The following DENND4C variants were observed in gnomAD, a reference collection of about 807,000 sequenced individuals.
DENND4C encodes DENN domain containing 4C, also known as DENN domain-containing protein 4C.
DENND4C carries 108 observed loss-of-function variants against 203.0 expected under a neutral mutation model. The observed-to-expected ratio is 0.53, with a 90% confidence interval of 0.46 to 0.62. DENND4C has a LOEUF of 0.62. DENND4C is among the 20% of genes least tolerant of loss of function. The pLI is 0.00. For synonymous variants in DENND4C, 871 were observed against 792.4 expected (o/e 1.10, Z -1.67); for missense variants, 2,481 against 2,301.2 (o/e 1.08, Z -1.60).
intron 2 of DENND4C, among the ~76,000 whole-genome samples, chr9:19,278,888 CTT>C (rs1407490805): frequency 6.6e-6 from 1 of 151,798 alleles, no homozygotes; most frequent in African/African-American, 2.4e-5. Context: ...AGAAGCTTGA[CTT>C]TAAGGGAAGG....
intron 1 of DENND4C, among the ~76,000 whole-genome samples, chr9:19,274,485 G>T (rs1035966218): frequency 1.3e-5 from 2 of 152,088 alleles, no homozygotes; most frequent in Non-Finnish European, 2.9e-5. Flanking sequence ...AGTAGAGATG[G>T]GATTTCTCCA....
At chr9:19,268,919 G>A (rs186073829) in intron 1 of DENND4C, among the ~76,000 whole-genome samples, 40 of 152,088 alleles carry the variant, frequency 2.6e-4, no homozygotes, top group Admixed American at 2.4e-3. Context: ...GTAGTTTTGA[G>A]TTAAATTTCC....
In DENND4C at chr9:19,341,093, A is replaced by G. The variant is rs1328815868; in HGVS notation, c.2983A>G (p.Lys995Glu). The change falls in exon 21 of 33, where the codon AAA (lysine) becomes GAA (glutamate). Residue 995 changes from lysine to glutamate, a missense_variant. Around this residue, in one of 3 missense-constraint regions of DENND4C, gnomAD observed 2,289 missense variants for 2,113.3 expected, o/e 1.08. Transcript: ENST00000434457. Reference protein sequence around the residue: ...EEQAARELITKTKMQTEEVCD... With the variant: ...EEQAARELITETKMQTEEVCD... Reference sequence around the variant, plus strand: ...ACAGGCAGCAAGAGAATTGATAACTAAAACAAAAATGCAAACAGAAGGTTA... The same window carrying G: ...ACAGGCAGCAAGAGAATTGATAACTGAAACAAAAATGCAAACAGAAGGTTA... The G allele has an allele frequency of 1.2e-6, 2 of 1,611,486 alleles. No homozygotes were observed. The highest frequency in any genetic ancestry group is 1.7e-5 in the Admixed American group (1 of 59,548).
At chr9:19,256,066 T>C (rs1271848210) in intron 1 of DENND4C, among the ~76,000 whole-genome samples, 2 of 150,286 alleles carry the variant, frequency 1.3e-5, no homozygotes, top group Non-Finnish European at 2.9e-5. Flanking sequence ...AGCAAGACCC[T>C]GTCTCTGCAA....
intron 18 of DENND4C, 109 bp from the exon 19 acceptor site, chr9:19,336,161 T>G: frequency 1.0e-6 from 1 of 958,778 alleles, no homozygotes; most frequent in Non-Finnish European, 1.4e-6. Flanking sequence ...GTATAACTTT[T>G]TATATTTGTG....
intron 7 of DENND4C, among the ~76,000 whole-genome samples, chr9:19,298,848 G>A (rs1233752083): frequency 1.3e-5 from 2 of 152,142 alleles, no homozygotes; most frequent in Non-Finnish European, 2.9e-5. Flanking sequence ...TGTTGATCTT[G>A]AATGTTATTT....
chr9:19,319,192 C>T (rs969966365), intron 12 of DENND4C, among the ~76,000 whole-genome samples: 1 of 146,122 alleles, frequency 6.8e-6, no homozygotes, highest in East Asian at 2.0e-4. Flanking sequence ...TATATATATA[C>T]ACGTATATAC....
At chr9:19,334,067 A>T (rs1252068238) in intron 17 of DENND4C, among the ~76,000 whole-genome samples, 1 of 151,932 alleles carries the variant, frequency 6.6e-6, no homozygotes, top group Non-Finnish European at 1.5e-5. Context: ...TTATTTAGAG[A>T]CAGTTTTACT....
At chr9:19,272,622 C>T (rs1831965539) in intron 1 of DENND4C, among the ~76,000 whole-genome samples, 1 of 151,990 alleles carries the variant, frequency 6.6e-6, no homozygotes, top group African/African-American at 2.4e-5. Flanking sequence ...AATGAATCTT[C>T]ATTTATACCT....
At chr9:19,256,409 T>A (rs1827976961) in intron 1 of DENND4C, among the ~76,000 whole-genome samples, 2 of 147,410 alleles carry the variant, frequency 1.4e-5, no homozygotes, top group Non-Finnish European at 3.0e-5. Flanking sequence ...CTCCACCTCC[T>A]GAGTTCAAGC....
intron 2 of DENND4C, among the ~76,000 whole-genome samples, chr9:19,283,154 T>G (rs908397589): frequency 2.3e-5 from 3 of 129,692 alleles, no homozygotes; most frequent in African/African-American, 5.5e-5. Flanking sequence ...TATGAACTAC[T>G]GTGCCTGGAT....
chr9:19,295,404 C>T (rs1837232583), intron 5 of DENND4C, among the ~76,000 whole-genome samples: 2 of 151,986 alleles, frequency 1.3e-5, no homozygotes, highest in South Asian at 4.2e-4. Flanking sequence ...ACTTGGGAGG[C>T]TGAGTCAGGA....
intron 22 of DENND4C, among the ~76,000 whole-genome samples, chr9:19,343,364 T>C (rs749606431): frequency 3.3e-5 from 5 of 152,234 alleles, no homozygotes; most frequent in Non-Finnish European, 7.3e-5. Context: ...AAGACTCTTA[T>C]GGCACATATC....
At chr9:19,257,573 A>C (rs1014242904) in intron 1 of DENND4C, among the ~76,000 whole-genome samples, 12 of 151,580 alleles carry the variant, frequency 7.9e-5, no homozygotes, top group Admixed American at 2.6e-4. Context: ...AATTCAAAGA[A>C]ATATGAAACA....
At chr9:19,356,700 C>T (rs1825483918) in intron 26 of DENND4C, among the ~76,000 whole-genome samples, 1 of 149,474 alleles carries the variant, frequency 6.7e-6, no homozygotes, top group African/African-American at 2.5e-5. Flanking sequence ...ATTGGAATAT[C>T]ATTTATTGGA....
At chr9:19,357,774 T>A in intron 27 of DENND4C, 191 bp from the exon 28 acceptor site, 2 of 493,988 alleles carry the variant, frequency 4.0e-6, no homozygotes, top group Non-Finnish European at 7.2e-6. Flanking sequence ...ACCAGAACCA[T>A]CTACTCCATC....
chr9:19,340,036 T>A (rs1821268091), intron 20 of DENND4C, among the ~76,000 whole-genome samples: 1 of 152,148 alleles, frequency 6.6e-6, no homozygotes, highest in South Asian at 2.1e-4. Context: ...AGCACTACCT[T>A]TTTGGCACAA....
chr9:19,235,345 A>G (rs561169013), intron 1 of DENND4C, among the ~76,000 whole-genome samples: 2 of 152,328 alleles, frequency 1.3e-5, no homozygotes, highest in South Asian at 4.1e-4. Context: ...TGAGAACTGA[A>G]TTGAAACAAG....
At chr9:19,247,535 T>G (rs994889631) in intron 1 of DENND4C, among the ~76,000 whole-genome samples, 1 of 152,132 alleles carries the variant, frequency 6.6e-6, no homozygotes, top group African/African-American at 2.4e-5. Context: ...AGCTAGGACT[T>G]TAGGTGCATA....
Sources: allele counts gnomAD v4.1 joint callset (sites outside exome capture counted in the v4.1 genomes callset), GRCh38; gene constraint gnomAD v4.1.1; regional missense constraint gnomAD v4.1.1; transcripts MANE v1.5; gene names NCBI Gene and HGNC (gene_info 2026-07-23, HGNC 2026-07-21).